The following OIT3 variants were observed in gnomAD, a reference collection of about 807,000 sequenced individuals.
The protein encoded by OIT3 is oncoprotein induced transcript 3.
Under a neutral mutation model 52.2 loss-of-function variants are expected in OIT3, and 41 were observed. That is an observed-to-expected ratio of 0.79 (90% CI 0.61 to 1.02). The LOEUF is 1.02. OIT3 is among the 50% of genes least tolerant of loss of function. The pLI, the probability that OIT3 is intolerant of heterozygous loss-of-function variation, is 0.00. For missense variants in OIT3, 634 were observed against 715.5 expected, an observed-to-expected ratio of 0.89 and a Z score of 1.30; for synonymous variants, 244 against 276.9, an observed-to-expected ratio of 0.88 and a Z score of 1.18.
At chr10:72,930,031 A>T (rs1230218785) in intron 7 of OIT3, among the ~76,000 whole-genome samples, 1 of 152,220 alleles carries the variant, frequency 6.6e-6, no homozygotes, top group Non-Finnish European at 1.5e-5. Context: ...TATCTAAGAA[A>T]CTTGGATATT....
In OIT3 at chr10:72,919,428, A is replaced by G. The variant is rs182929039; in HGVS notation, c.952-4801A>G. ...GTTTGACTCCTCTCTTCCTATTTGA[A>G]TGCCCTTTATTTCTTTCTCTTGCCT... On this transcript the variant is annotated intron_variant, in intron 6 of 8. Coordinates refer to ENST00000334011, the MANE Select transcript of OIT3 (RefSeq NM_152635.3). Among the ~76,000 whole-genome samples the G allele has an allele frequency of 2.9e-3, 442 of 152,256 alleles. 2 individuals are homozygous for G. The highest frequency in any genetic ancestry group is 0.01 in the African/African-American group (417 of 41,546).
intron 6 of OIT3, among the ~76,000 whole-genome samples, chr10:72,915,512 G>C (rs780508971): frequency 5.3e-5 from 8 of 152,136 alleles, no homozygotes; most frequent in Non-Finnish European, 1.0e-4. Context: ...TTCTGTGTGT[G>C]TTTCTGTTTA....
In OIT3 at chr10:72,899,014, G is replaced by A. The variant is rs777881853; in HGVS notation, c.412G>A (p.Val138Ile). 2.3e-5 allele frequency: 37 copies of A among 1,611,206 alleles called. No individual in the cohort carries two copies. The highest frequency in any genetic ancestry group is 6.7e-5 in the Admixed American group (4 of 59,934). Residue 138 changes from valine to isoleucine, a missense_variant, in exon 2 of 9, where the codon GTC becomes ATC. Physicochemically the swap from Val to Ile is conservative, Grantham distance 29. Coordinates refer to ENST00000334011, the MANE Select transcript of OIT3 (RefSeq NM_152635.3). ...TGTGTATCGTCTGACCAAGCCCAGC[G>A]TCTGCTTCCACGTCTACTGTGGTCG... ...YYVYRLTKPS[V>I]CFHVYCGHFY...
chr10:72,911,552 T>C (rs1311160026), intron 4 of OIT3, among the ~76,000 whole-genome samples, 165 bp from the exon 5 acceptor site: 1 of 152,160 alleles, frequency 6.6e-6, no homozygotes, highest in Non-Finnish European at 1.5e-5. Flanking sequence ...TTTGTAGCTA[T>C]GATATTTCAT....
chr10:72,902,806 A>G (rs1405737299), intron 3 of OIT3, among the ~76,000 whole-genome samples: 1 of 152,220 alleles, frequency 6.6e-6, no homozygotes, highest in Non-Finnish European at 1.5e-5. Context: ...CCATGATTCA[A>G]TTATCTCCAC....
At chr10:72,924,087 A>C in intron 6 of OIT3, 142 bp from the exon 7 acceptor site, 1 of 733,720 alleles carries the variant, frequency 1.4e-6, no homozygotes, top group South Asian at 2.0e-5. Context: ...GGAAAAAAAA[A>C]CAAAACAAAA....
At chr10:72,924,195 A>G (rs375634483) in intron 6 of OIT3, 34 bp from the exon 7 acceptor site, 10 of 1,533,116 alleles carry the variant, frequency 6.5e-6, no homozygotes, top group South Asian at 5.0e-5. Context: ...CAAACAGACA[A>G]TCTCTTTCCT....
intron 7 of OIT3, among the ~76,000 whole-genome samples, chr10:72,926,172 C>A (rs187867597): frequency 3.3e-5 from 5 of 152,354 alleles, no homozygotes; most frequent in African/African-American, 1.2e-4. Flanking sequence ...ACGAGCAGCT[C>A]AGCACCCTCG....
intron 6 of OIT3, among the ~76,000 whole-genome samples, chr10:72,915,214 G>A (rs1331974049): frequency 1.3e-5 from 2 of 152,052 alleles, no homozygotes; most frequent in Non-Finnish European, 2.9e-5. Flanking sequence ...ACACAACAAA[G>A]AGCTAGGCGG....
Position 72,917,809 on chromosome 10 carries a change from G to C in OIT3, c.951+4341G>C, listed in dbSNP as rs537644461. 1.6e-5 allele frequency: 23 copies of C among 1,449,966 alleles called. No individual in the cohort carries two copies. In the South Asian group the frequency reaches 1.8e-4, roughly 11 times the overall value. The allele number at this position is 1,449,966 out of a possible 1,614,324, so 89.8% of individuals were successfully genotyped here. The stretch of plus-strand genomic sequence containing the variant: ...TCTTCTACAGAACTAGGTCCTTTTG[G>C]TGTTTTAGGAGTTTTTTCCTGTTTT... On this transcript the variant is annotated intron_variant, in intron 6 of 8. Transcript: ENST00000334011.
chr10:72,912,559 T>C (rs1449892367), intron 5 of OIT3, among the ~76,000 whole-genome samples: 1 of 152,094 alleles, frequency 6.6e-6, no homozygotes, highest in Non-Finnish European at 1.5e-5. Flanking sequence ...ACATAAGCCA[T>C]CGCACCTGGC....
chr10:72,899,829 A>G (rs1286770557), intron 2 of OIT3, among the ~76,000 whole-genome samples: 1 of 152,116 alleles, frequency 6.6e-6, no homozygotes, highest in Non-Finnish European at 1.5e-5. Flanking sequence ...TAAGTGATAT[A>G]CAATGGGAAG....
chr10:72,906,793 A>G lies in OIT3; in HGVS notation c.667+75A>G. The G allele has an allele frequency of 1.4e-6, 2 of 1,424,732 alleles. 1 individual carries two copies. Among genetic ancestry groups the G allele is most frequent in the South Asian group, 3.0e-5 (2 of 66,448 alleles). The allele number at this position is 1,424,732 out of a possible 1,614,324, so 88.3% of individuals were successfully genotyped here. A position where few individuals can be genotyped will look rare whatever the true frequency, so the allele number is the denominator to read the frequency against. Reference sequence around the variant, plus strand: ...TGGCTTATTCTCTGATGTTCAGGAAACTGCCTTAGTGTCCGAAGAGAGCAA... The same window carrying G: ...TGGCTTATTCTCTGATGTTCAGGAAGCTGCCTTAGTGTCCGAAGAGAGCAA... On this transcript the variant is annotated intron_variant, in intron 4 of 8. Coordinates refer to ENST00000334011, the MANE Select transcript of OIT3 (RefSeq NM_152635.3).
rs201349275 is a variant in OIT3 at position 72,898,732 on chromosome 10, G to C, written c.130G>C (p.Glu44Gln). 8.7e-6 allele frequency: 14 copies of C among 1,614,014 alleles called. No individual in the cohort carries two copies. The East Asian group carries it at 2.5e-4, about 28-fold the overall frequency. Reference protein sequence around the residue: ...PWRNTDHQLDESQGPPLCDNH... With the variant: ...PWRNTDHQLDQSQGPPLCDNH... ...GAGGAACACTGACCACCAGTTGGAT[G>C]AGTCTCAAGGTCCTCCTCTATGTGA... Residue 44 changes from glutamate (E) to glutamine (Q), a missense_variant, in exon 2 of 9, where the codon GAG becomes CAG. By Grantham distance (29) the Glu-to-Gln change is conservative. Transcript: ENST00000334011.
rs1305990676 is a variant in OIT3 at position 72,898,671 on chromosome 10, T to A, written c.69T>A (p.Asp23Glu). The change falls in exon 2 of 9, where the codon GAT becomes GAA. Residue 23 changes from aspartate (D) to glutamate (E), a missense_variant. Coordinates refer to ENST00000334011, the MANE Select transcript of OIT3 (RefSeq NM_152635.3). ...TATCTTTTTCATTTCCAGCCCTAGA[T>A]CCTTGTTCTGCTTACATCAGCCTGA... ...TGTSVSPVAL[D>E]PCSAYISLNE... The A allele has an allele frequency of 1.9e-6, 3 of 1,608,392 alleles. No homozygotes were observed. In the African/African-American group the frequency reaches 4.0e-5, roughly 21 times the overall value.
intron 8 of OIT3, among the ~76,000 whole-genome samples, chr10:72,931,924 C>G (rs1846219983): frequency 6.6e-6 from 1 of 152,174 alleles, no homozygotes. Context: ...AGGCAGGAAG[C>G]TCAGGCAGTT....
At chr10:72,914,785 C>T (rs747481974) in intron 6 of OIT3, among the ~76,000 whole-genome samples, 30 of 152,104 alleles carry the variant, frequency 2.0e-4, no homozygotes, top group African/African-American at 7.0e-4. Flanking sequence ...GCTTTGAATT[C>T]GCTGATTCTG....
At chr10:72,924,709 C>A in intron 7 of OIT3, 65 bp downstream of exon 7, 1 of 1,288,060 alleles carries the variant, frequency 7.8e-7, no homozygotes, top group Non-Finnish European at 1.1e-6. Flanking sequence ...GTTCACAGCA[C>A]ACCCAGTCAT....
Position 72,899,759 on chromosome 10 carries a change from G to A in OIT3, c.437-618G>A, listed in dbSNP as rs375978976. ...TAGATAGATAGATAGATAGATAGAT[G>A]ATAGATAGATAATCAGACATCCATG... On this transcript the variant is annotated intron_variant, in intron 2 of 8. Coordinates refer to ENST00000334011, the MANE Select transcript of OIT3 (RefSeq NM_152635.3). Among the ~76,000 whole-genome samples the A allele has an allele frequency of 4.9e-3, 670 of 136,498 alleles. 8 individuals carry two copies. Among genetic ancestry groups the A allele is most frequent in the African/African-American group, 0.018 (550 of 30,626 alleles). The allele number at this position is 136,498 out of a possible 152,430, so 89.5% of individuals were successfully genotyped here. A position where few individuals can be genotyped will look rare whatever the true frequency, so the allele number is the denominator to read the frequency against.
Sources: allele counts gnomAD v4.1 joint callset (sites outside exome capture counted in the v4.1 genomes callset), GRCh38; gene constraint gnomAD v4.1.1; transcripts MANE v1.5; gene names NCBI Gene and HGNC (gene_info 2026-07-23, HGNC 2026-07-21).